PPARGC1A: variants seen among roughly 807,000 people sequenced by gnomAD.
The protein encoded by PPARGC1A is peroxisome proliferator-activated receptor gamma coactivator 1-alpha.
A neutral mutation model predicts 88.7 loss-of-function variants in PPARGC1A; 25 were observed. The ratio of observed to expected loss-of-function variants is 0.28; its 90% confidence interval spans 0.21 to 0.39. The LOEUF (loss-of-function observed/expected upper bound fraction) is 0.39. Among genes scored for constraint, PPARGC1A ranks in the 10% least tolerant of loss-of-function variants. PPARGC1A has a pLI of 1.00. For synonymous variants in PPARGC1A, 363 were observed against 355.6 expected (o/e 1.02, Z -0.24); for missense variants, 880 against 968.7 (o/e 0.91, Z 1.22).
chr4:24,470,324 A>ACACACACACTCT, the PPARGC1A span, among the ~76,000 whole-genome samples: 6 of 107,778 alleles, frequency 5.6e-5, no homozygotes, highest in African/African-American at 1.7e-4. The surrounding 1 kb of genome is among the most constrained non-coding windows in gnomAD (Gnocchi z 5.8). Flanking sequence ...ACACACACAC[A>ACACACACACTCT]CTCTCTCACA....
At chr4:24,174,259 G>A in the PPARGC1A span, among the ~76,000 whole-genome samples, 43 of 152,182 alleles carry the variant, frequency 2.8e-4, no homozygotes, top group African/African-American at 1.0e-3. Context: ...CCCTTTGCAG[G>A]TTCTGTGTCA....
At chr4:24,073,734 G>C in the PPARGC1A span, among the ~76,000 whole-genome samples, 399 of 152,320 alleles carry the variant, frequency 2.6e-3, 1 homozygote, top group Non-Finnish European at 4.3e-3. Context: ...CAAAGAGGCT[G>C]AGGAAATTAT....
the PPARGC1A span, among the ~76,000 whole-genome samples, chr4:24,138,219 T>A: frequency 6.6e-6 from 1 of 152,144 alleles, no homozygotes; most frequent in East Asian, 1.9e-4. Flanking sequence ...TGGTCATGCA[T>A]CCCCCCTTTT....
chr4:24,326,849 C>T, the PPARGC1A span, among the ~76,000 whole-genome samples: 5 of 152,158 alleles, frequency 3.3e-5, no homozygotes, highest in South Asian at 4.1e-4. Flanking sequence ...CTCATGTCTG[C>T]GTGCAGCGGC....
At chr4:24,017,258 A>C in the PPARGC1A span, among the ~76,000 whole-genome samples, 1 of 152,182 alleles carries the variant, frequency 6.6e-6, no homozygotes, top group Non-Finnish European at 1.5e-5. Context: ...TCAAAGAAAA[A>C]AACCAGGTAA....
chr4:24,243,821 T>C, the PPARGC1A span, among the ~76,000 whole-genome samples: 12 of 152,204 alleles, frequency 7.9e-5, no homozygotes, highest in African/African-American at 2.9e-4. Context: ...ATTGTGCTAG[T>C]CACATGGAAT....
chr4:23,916,664 A>T, the PPARGC1A span, among the ~76,000 whole-genome samples: 3 of 152,204 alleles, frequency 2.0e-5, no homozygotes, highest in African/African-American at 7.2e-5. Context: ...ATTCCATTGT[A>T]TGAAAGTGCC....
At chr4:24,469,571 T>A in the PPARGC1A span, among the ~76,000 whole-genome samples, 1 of 152,142 alleles carries the variant, frequency 6.6e-6, no homozygotes, top group Admixed American at 6.6e-5. Flanking sequence ...CTCCCCACCA[T>A]ACAATTTCAC....
the PPARGC1A span, among the ~76,000 whole-genome samples, chr4:24,421,313 C>CT: frequency 0.31 from 42,139 of 137,432 alleles, 6,546 homozygotes; most frequent in Non-Finnish European, 0.33. Context: ...GAACAGTTCA[C>CT]TTTTTTTTTT....
the PPARGC1A span, among the ~76,000 whole-genome samples, chr4:24,281,682 G>C: frequency 6.6e-6 from 1 of 152,126 alleles, no homozygotes. Flanking sequence ...CTGTGCAATA[G>C]CCCTTTCTTG....
At chr4:24,348,740 T>C in the PPARGC1A span, among the ~76,000 whole-genome samples, 1 of 152,226 alleles carries the variant, frequency 6.6e-6, no homozygotes, top group Non-Finnish European at 1.5e-5. Context: ...TTTTCTTGCA[T>C]TGTGCTTCAC....
intron 12 of PPARGC1A, among the ~76,000 whole-genome samples, chr4:23,797,101 CATTCTG>C (rs1560309011): frequency 6.6e-6 from 1 of 152,046 alleles, no homozygotes; most frequent in South Asian, 2.1e-4. Context: ...GTTTTCCTTT[CATTCTG>C]ATCACCTTTG....
At chr4:24,216,990 AG>A in the PPARGC1A span, among the ~76,000 whole-genome samples, 1 of 152,256 alleles carries the variant, frequency 6.6e-6, no homozygotes, top group Admixed American at 6.5e-5. Flanking sequence ...GACACATAGT[AG>A]GTCATCACTA....
At chr4:23,990,053 CATT>C in the PPARGC1A span, among the ~76,000 whole-genome samples, 12 of 141,932 alleles carry the variant, frequency 8.5e-5, no homozygotes, top group African/African-American at 2.3e-4. Context: ...TAGAAATAAG[CATT>C]ATAATTATTA....
the PPARGC1A span, among the ~76,000 whole-genome samples, chr4:24,000,481 A>T: frequency 6.7e-6 from 1 of 148,714 alleles, no homozygotes; most frequent in African/African-American, 2.5e-5. Context: ...ATAATAAAAA[A>T]ATCCAAATAC....
At chr4:24,115,368 T>TA in the PPARGC1A span, among the ~76,000 whole-genome samples, 1 of 152,112 alleles carries the variant, frequency 6.6e-6, no homozygotes, top group Non-Finnish European at 1.5e-5. Flanking sequence ...AATATTTAAA[T>TA]AAACATTTTT....
chr4:24,451,110 A>T, the PPARGC1A span, among the ~76,000 whole-genome samples: 34 of 152,356 alleles, frequency 2.2e-4, 1 homozygote, highest in African/African-American at 8.2e-4. Flanking sequence ...TAATCAAATA[A>T]ATCTTTGATT....
chr4:24,226,180 A>G, the PPARGC1A span, among the ~76,000 whole-genome samples: 122 of 152,208 alleles, frequency 8.0e-4, 1 homozygote, highest in African/African-American at 2.9e-3. Flanking sequence ...GATTTCCTGT[A>G]AGTTTGTCTT....
At chr4:23,841,482 A>T (rs962323849) in intron 2 of PPARGC1A, among the ~76,000 whole-genome samples, 2 of 147,766 alleles carry the variant, frequency 1.4e-5, no homozygotes, top group Admixed American at 1.4e-4. Flanking sequence ...AAAAGAAGTC[A>T]TTTTTTTTTT....
Sources: gnomAD v4.1 joint callset for allele counts (sites outside exome capture counted in the v4.1 genomes callset) on GRCh38, gnomAD v4.1.1 for gene constraint, Gnocchi (gnomAD v3.1) non-coding constraint, MANE v1.5 for transcripts, NCBI Gene and HGNC (gene_info 2026-07-23, HGNC 2026-07-21) for gene names.